TNRC6B: variants seen among roughly 807,000 people sequenced by gnomAD.
TNRC6B encodes trinucleotide repeat-containing gene 6B protein.
Under a neutral mutation model 203.6 loss-of-function variants are expected in TNRC6B, and 52 were observed. The observed-to-expected ratio is 0.26, with a 90% CI of 0.20 to 0.32. The LOEUF is 0.32. Among genes scored for constraint, TNRC6B ranks in the 10% least tolerant of loss-of-function variants. The pLI, the probability that TNRC6B is intolerant of heterozygous loss-of-function variation, is 1.00. For missense variants in TNRC6B, 1,923 were observed against 2,286.2 expected (o/e 0.84, Z 3.24); for synonymous variants, 838 against 845.7 (o/e 0.99, Z 0.16).
chr22:40,247,721 T>C (rs1479093486), intron 2 of TNRC6B, among the ~76,000 whole-genome samples: 1 of 152,182 alleles, frequency 6.6e-6, no homozygotes, highest in African/African-American at 2.4e-5. Flanking sequence ...AATGTGTTGC[T>C]TCTCACCTGA....
chr22:40,195,044 A>T (rs1327572758), intron 1 of TNRC6B, among the ~76,000 whole-genome samples: 1 of 152,206 alleles, frequency 6.6e-6, no homozygotes, highest in Non-Finnish European at 1.5e-5. Context: ...GGCTTTGCAA[A>T]TGACACATGC....
intron 4 of TNRC6B, among the ~76,000 whole-genome samples, chr22:40,163,632 A>G (rs998797300): frequency 1.3e-5 from 2 of 151,362 alleles, no homozygotes; most frequent in African/African-American, 2.4e-5. Context: ...GTGGTGGCGC[A>G]TGCCTGTAAT....
chr22:40,163,867 A>AGGG (rs1344629491), intron 4 of TNRC6B, among the ~76,000 whole-genome samples: 2 of 151,700 alleles, frequency 1.3e-5, no homozygotes, highest in Non-Finnish European at 2.9e-5. Flanking sequence ...AAATAAGGGG[A>AGGG]GGGGAGGCTC....
In TNRC6B at chr22:40,328,003, G is replaced by A. The variant is rs1229482498; in HGVS notation, c.*4762G>A. The stretch of plus-strand genomic sequence containing the variant: ...AGAAAGGGGTGTCTCACACCAGACA[G>A]AGGACCTCTGCTGTCAATTAGATCC... On this transcript the variant is annotated 3_prime_UTR_variant, in exon 23 of 23. Transcript: ENST00000454349. 1 of 152,206 alleles carries A rather than the reference G, an allele frequency of 6.6e-6. No homozygotes were observed. 9.4% of individuals were successfully genotyped at this position (152,206 alleles called of 1,614,324 possible).
intron 1 of TNRC6B, among the ~76,000 whole-genome samples, chr22:40,226,892 G>A (rs911329636): frequency 1.3e-5 from 2 of 151,866 alleles, no homozygotes; most frequent in African/African-American, 4.8e-5. Flanking sequence ...GAGGCAGGAG[G>A]CCTCCTAGAA....
intron 19 of TNRC6B, among the ~76,000 whole-genome samples, chr22:40,313,710 G>A (rs2146567438): frequency 6.6e-6 from 1 of 152,346 alleles, no homozygotes; most frequent in Non-Finnish European, 1.5e-5. Context: ...AGACGCTGCA[G>A]GTTAGTGGGC....
At chr22:40,311,982 G>A (rs867372937) in intron 17 of TNRC6B, among the ~76,000 whole-genome samples, 1 of 152,164 alleles carries the variant, frequency 6.6e-6, no homozygotes, top group Admixed American at 6.5e-5. Flanking sequence ...AAAAAATTCC[G>A]AGCCCTTATG....
At chr22:40,235,616 G>C (rs553285452) in intron 1 of TNRC6B, among the ~76,000 whole-genome samples, 1 of 152,316 alleles carries the variant, frequency 6.6e-6, no homozygotes, top group South Asian at 2.1e-4. Flanking sequence ...CTACCACGAA[G>C]TGAGATAATA....
At chr22:40,190,821 C>A (rs1239611633) in intron 1 of TNRC6B, among the ~76,000 whole-genome samples, 1 of 152,198 alleles carries the variant, frequency 6.6e-6, no homozygotes, top group African/African-American at 2.4e-5. Flanking sequence ...GAAGCATTGG[C>A]ATGCTGGGTA....
Position 40,331,752 on chromosome 22 carries a change from G to T in TNRC6B, c.*8511G>T, listed in dbSNP as rs2071470396. ...TGTAACTATGCATTCTGCAAAGGGG[G>T]TGGGGAGGAGAGGGCAGAAAGGGGA... On this transcript the variant is annotated 3_prime_UTR_variant, in exon 23 of 23. Coordinates refer to ENST00000454349, the MANE Select transcript of TNRC6B (RefSeq NM_001162501.2). The T allele has an allele frequency of 2.6e-6, 1 of 389,660 alleles. No individual in the cohort carries two copies. Among genetic ancestry groups the T allele is most frequent in the Non-Finnish European group, 4.6e-6 (1 of 219,740 alleles). 24.1% of individuals were successfully genotyped at this position (389,660 alleles called of 1,614,324 possible). A position where few individuals can be genotyped will look rare whatever the true frequency, so the allele number is the denominator to read the frequency against.
intron 1 of TNRC6B, among the ~76,000 whole-genome samples, chr22:40,195,182 C>G (rs1341190322): frequency 6.6e-6 from 1 of 152,128 alleles, no homozygotes; most frequent in African/African-American, 2.4e-5. Flanking sequence ...GAAGGATTGC[C>G]ACTATATTTT....
chr22:40,318,860 C>G (rs1220801668), intron 21 of TNRC6B, among the ~76,000 whole-genome samples: 1 of 152,116 alleles, frequency 6.6e-6, no homozygotes, highest in African/African-American at 2.4e-5. Context: ...CACCTGAGGT[C>G]AGGAGTTCCA....
At chr22:40,232,327 A>G (rs1423442257) in intron 1 of TNRC6B, among the ~76,000 whole-genome samples, 1 of 152,224 alleles carries the variant, frequency 6.6e-6, no homozygotes, top group Non-Finnish European at 1.5e-5. Context: ...TAATGATCCC[A>G]GTGGTAAGGG....
At chr22:40,267,776 A>G (rs962469881) in intron 5 of TNRC6B, among the ~76,000 whole-genome samples, 20 of 152,150 alleles carry the variant, frequency 1.3e-4, no homozygotes, top group African/African-American at 3.6e-4. Context: ...GGCTGAGGTA[A>G]GAGGATCGCC....
intron 11 of TNRC6B, among the ~76,000 whole-genome samples, chr22:40,284,784 A>G (rs1409499855): frequency 1.3e-5 from 2 of 152,236 alleles, no homozygotes; most frequent in South Asian, 2.1e-4. Context: ...TGAAGAGGTC[A>G]AGTGAAGATG....
rs2071446336 is a variant in TNRC6B, at chr22:40,329,826, A to G, written c.*6585A>G. 1 of 152,256 alleles carries G rather than the reference A, an allele frequency of 6.6e-6. No individual in the cohort carries two copies. Among genetic ancestry groups the G allele is most frequent in the South Asian group, 2.1e-4 (1 of 4,838 alleles). 9.4% of individuals were successfully genotyped at this position (152,256 alleles called of 1,614,324 possible). A position where few individuals can be genotyped will look rare whatever the true frequency, so the allele number is the denominator to read the frequency against. ...AGTAACGAAAGTTGCAGTAACTGCC[A>G]GTGTTTGCCTCACCAAATTTAAATC... is the stretch of plus-strand genomic sequence containing the variant. On this transcript the variant is annotated 3_prime_UTR_variant, in exon 23 of 23. Coordinates refer to ENST00000454349, the MANE Select transcript of TNRC6B (RefSeq NM_001162501.2).
Position 40,310,770 on chromosome 22 carries a change from A to G in TNRC6B, c.4259-47A>G, listed in dbSNP as rs1244037878. ...AGCGAATAAAAAATAGACAAGTTCT[A>G]TTCATAGGAGTTATTCTGGATGATT... On this transcript the variant is annotated intron_variant, in intron 16 of 22. Transcript: ENST00000454349. 5 of 1,553,516 alleles carry G rather than the reference A, an allele frequency of 3.2e-6. No homozygotes were observed. The South Asian group carries it at 6.0e-5, about 19-fold the overall frequency.
intron 1 of TNRC6B, among the ~76,000 whole-genome samples, chr22:40,213,248 A>G (rs1330408351): frequency 6.6e-5 from 10 of 152,310 alleles, no homozygotes; most frequent in South Asian, 2.1e-4. Context: ...TGTTATATAT[A>G]TTTTACCATA....
intron 13 of TNRC6B, 101 bp from the exon 14 acceptor site, chr22:40,300,809 T>G (rs1322354168): frequency 2.4e-6 from 3 of 1,274,802 alleles, no homozygotes; most frequent in Non-Finnish European, 3.3e-6. Flanking sequence ...TGGATACTTT[T>G]GATTGTGTGA....
Sources: gnomAD v4.1 joint callset for allele counts (sites outside exome capture counted in the v4.1 genomes callset) on GRCh38, gnomAD v4.1.1 for gene constraint, MANE v1.5 for transcripts, NCBI Gene and HGNC (gene_info 2026-07-23, HGNC 2026-07-21) for gene names.